The following KDM4C variants were observed in gnomAD, a reference collection of about 807,000 sequenced individuals.
KDM4C encodes the protein lysine demethylase 4C, also known as lysine-specific demethylase 4C.
Under a neutral mutation model 129.3 loss-of-function variants are expected in KDM4C, and 81 were observed. The observed-to-expected ratio is 0.63, with a 90% CI of 0.52 to 0.75. KDM4C has a LOEUF of 0.75. Ranked by LOEUF, KDM4C falls within the 30% of genes least tolerant of loss-of-function variation. The probability of loss-of-function intolerance (pLI) is 0.00; values close to 1 mark genes in which losing one functional copy is unlikely to be tolerated. For synonymous variants in KDM4C, 573 were observed against 456.1 expected (o/e 1.26, Z -3.26); for missense variants, 1,457 against 1,304.0 (o/e 1.12, Z -1.81).
rs984626646 is a variant in KDM4C, at chr9:6,888,835, T to G, written c.783+772T>G. 4.2e-4 allele frequency among the ~76,000 whole-genome samples: 37 copies of G among 87,526 alleles called. 12 individuals are homozygous for G. Among genetic ancestry groups the G allele is most frequent in the Admixed American group, 2.1e-3 (20 of 9,742 alleles). 57.4% of individuals were successfully genotyped at this position (87,526 alleles called of 152,430 possible). A position where few individuals can be genotyped will look rare whatever the true frequency, so the allele number is the denominator to read the frequency against. On this transcript the variant is annotated intron_variant, in intron 7 of 21. Coordinates refer to ENST00000381309, the MANE Select transcript of KDM4C (RefSeq NM_015061.6). Reference sequence around the variant, plus strand: ...CGGAGTCTCGCTCTGTCGCCCAGGCTGGAGTGCAGTGGCGGGATCTCGGCT... The same window carrying G: ...CGGAGTCTCGCTCTGTCGCCCAGGCGGGAGTGCAGTGGCGGGATCTCGGCT...
At chr9:7,015,963 C>T (rs757786787) in intron 15 of KDM4C, 34 bp downstream of exon 15, 17 of 1,453,424 alleles carry the variant, frequency 1.2e-5, no homozygotes, top group Non-Finnish European at 1.5e-5. Context: ...CTTAACCTTT[C>T]TTCCCACCCT....
At chr9:7,074,641 A>G (rs539516640) in intron 17 of KDM4C, among the ~76,000 whole-genome samples, 4 of 152,304 alleles carry the variant, frequency 2.6e-5, no homozygotes, top group Admixed American at 2.6e-4. Context: ...TATTTTTGCA[A>G]TATTCCAGGC....
At chr9:6,936,884 A>T (rs1447295834) in intron 8 of KDM4C, among the ~76,000 whole-genome samples, 2 of 152,216 alleles carry the variant, frequency 1.3e-5, no homozygotes, top group Non-Finnish European at 2.9e-5. Context: ...AGGAAGGGGA[A>T]TGAAAAGATT....
intron 3 of KDM4C, among the ~76,000 whole-genome samples, chr9:6,811,484 G>A (rs941944090): frequency 6.6e-6 from 1 of 152,084 alleles, no homozygotes; most frequent in African/African-American, 2.4e-5. Context: ...CGTCTGTAAT[G>A]TACTCAGTCT....
In KDM4C at chr9:7,128,288, AC is replaced by A; in HGVS notation, c.2781+54del. On this transcript the variant is annotated intron_variant, in intron 19 of 21. Transcript: ENST00000381309. ...TACCCAGAGTAATTTAAAAAAAAAAACCAAAGTAACTGAGCCCTTCAGAATT... is the reference window on the plus strand; with the variant it reads ...TACCCAGAGTAATTTAAAAAAAAAAACAAAGTAACTGAGCCCTTCAGAATT... 7.4e-6 allele frequency: 10 copies of A among 1,358,364 alleles called. No homozygotes were observed. In the East Asian group the frequency reaches 2.7e-4, roughly 37 times the overall value. 84.1% of individuals were successfully genotyped at this position (1,358,364 alleles called of 1,614,324 possible).
intron 14 of KDM4C, 53 bp downstream of exon 14, chr9:7,014,054 C>T: frequency 6.8e-7 from 1 of 1,460,540 alleles, no homozygotes; most frequent in Non-Finnish European, 9.5e-7. Flanking sequence ...TTCACATCAT[C>T]TTTATTTCTC....
At chr9:6,967,483 C>T (rs1193517654) in intron 8 of KDM4C, among the ~76,000 whole-genome samples, 1 of 150,234 alleles carries the variant, frequency 6.7e-6, no homozygotes, top group Non-Finnish European at 1.5e-5. Flanking sequence ...AAGATTAAAA[C>T]GTTCACAGAA....
At chr9:6,824,069 C>G (rs1039583644) in intron 4 of KDM4C, among the ~76,000 whole-genome samples, 2 of 152,200 alleles carry the variant, frequency 1.3e-5, no homozygotes, top group African/African-American at 4.8e-5. Context: ...TTGTATACAA[C>G]TGAAACAGTT....
intron 8 of KDM4C, among the ~76,000 whole-genome samples, chr9:6,936,738 G>A (rs1824865510): frequency 6.6e-6 from 1 of 152,274 alleles, no homozygotes; most frequent in South Asian, 2.1e-4. Flanking sequence ...AAGAGCACAG[G>A]CTTTTGAGTA....
intron 1 of KDM4C, among the ~76,000 whole-genome samples, chr9:6,732,169 A>C (rs142528161): frequency 3.3e-5 from 5 of 151,650 alleles, no homozygotes; most frequent in Admixed American, 6.6e-5. Flanking sequence ...GATTGAGACC[A>C]TCCTGGCTAA....
chr9:6,810,352 G>A (rs1250483174), intron 3 of KDM4C, among the ~76,000 whole-genome samples: 1 of 152,114 alleles, frequency 6.6e-6, no homozygotes, highest in East Asian at 1.9e-4. Flanking sequence ...TATGGTAGGT[G>A]CTTTTTCAAA....
intron 19 of KDM4C, 97 bp from the exon 20 acceptor site, chr9:7,165,141 A>G: frequency 7.0e-7 from 1 of 1,423,462 alleles, no homozygotes; most frequent in Non-Finnish European, 9.6e-7. Flanking sequence ...CAGAGGCAAT[A>G]ACTCCTTTTA....
In KDM4C at chr9:6,953,264, G is replaced by T. The variant is rs542120313; in HGVS notation, c.922-27661G>T. 3.0e-3 allele frequency among the ~76,000 whole-genome samples: 456 copies of T among 152,308 alleles called. 1 individual carries two copies. The highest frequency in any genetic ancestry group is 0.01 in the African/African-American group (436 of 41,574). ...TCTCACTTGAAATATAGAGTGGTCT[G>T]TGTATTTAATCACCAGCTTATTCAG... On this transcript the variant is annotated intron_variant, in intron 8 of 21. Transcript: ENST00000381309.
At chr9:6,759,141 A>G (rs1255801969) in intron 1 of KDM4C, among the ~76,000 whole-genome samples, 1 of 152,174 alleles carries the variant, frequency 6.6e-6, no homozygotes, top group Non-Finnish European at 1.5e-5. Context: ...GAGGTGATTT[A>G]TAAAGCACTG....
intron 17 of KDM4C, among the ~76,000 whole-genome samples, chr9:7,093,223 C>T (rs1836008429): frequency 6.6e-6 from 1 of 152,188 alleles, no homozygotes; most frequent in South Asian, 2.1e-4. Flanking sequence ...TAATGGCTAA[C>T]AGGAAACACA....
intron 19 of KDM4C, among the ~76,000 whole-genome samples, chr9:7,145,100 C>A (rs542455874): frequency 6.6e-6 from 1 of 152,164 alleles, no homozygotes; most frequent in Non-Finnish European, 1.5e-5. Flanking sequence ...CATTAACAGG[C>A]CTCCTCCTCG....
intron 4 of KDM4C, among the ~76,000 whole-genome samples, chr9:6,844,929 C>T (rs988927106): frequency 2.0e-5 from 3 of 152,190 alleles, no homozygotes; most frequent in Admixed American, 6.5e-5. Context: ...CTCAGGTGAT[C>T]CGCCTGCCTC....
At chr9:6,841,967 C>T (rs1035677153) in intron 4 of KDM4C, among the ~76,000 whole-genome samples, 1 of 152,126 alleles carries the variant, frequency 6.6e-6, no homozygotes, top group Non-Finnish European at 1.5e-5. Flanking sequence ...TGTGTTTTGC[C>T]ATTTTACTTT....
At chr9:6,897,384 T>C (rs551085734) in intron 8 of KDM4C, among the ~76,000 whole-genome samples, 1 of 152,334 alleles carries the variant, frequency 6.6e-6, no homozygotes, top group South Asian at 2.1e-4. Flanking sequence ...TGCTTGTGTT[T>C]TCCCTCAATG....
Sources: gnomAD v4.1 joint callset for allele counts (sites outside exome capture counted in the v4.1 genomes callset) on GRCh38, gnomAD v4.1.1 for gene constraint, MANE v1.5 for transcripts, NCBI Gene and HGNC (gene_info 2026-07-23, HGNC 2026-07-21) for gene names.